Variants in SAMD12 observed in about 807,000 individuals in gnomAD.
SAMD12 encodes the protein sterile alpha motif domain containing 12, also known as sterile alpha motif domain-containing protein 12.
Under a neutral mutation model 15.0 loss-of-function variants are expected in SAMD12, and 9 were observed. The observed-to-expected ratio is 0.60, with a 90% CI of 0.36 to 1.05. The LOEUF is 1.05. Among genes scored for constraint, SAMD12 ranks in the 50% least tolerant of loss-of-function variants. The pLI is 0.01. For missense variants in SAMD12, 230 were observed against 234.2 expected (o/e 0.98, Z 0.12); for synonymous variants, 86 against 90.1 (o/e 0.96, Z 0.25).
At chr8:118,177,702 G>A in the SAMD12 span, among the ~76,000 whole-genome samples, 1 of 151,832 alleles carries the variant, frequency 6.6e-6, no homozygotes, top group African/African-American at 2.4e-5. Context: ...CAGCCTGGCT[G>A]ACAGAGTGAG....
chr8:118,536,309 C>G (rs910440135), intron 2 of SAMD12, among the ~76,000 whole-genome samples: 1 of 152,084 alleles, frequency 6.6e-6, no homozygotes, highest in Admixed American at 6.5e-5. Context: ...GCCTTTCTCC[C>G]TACCTGTAGA....
At chr8:118,470,437 G>A (rs1045230214) in intron 2 of SAMD12, among the ~76,000 whole-genome samples, 2 of 152,130 alleles carry the variant, frequency 1.3e-5, no homozygotes, top group African/African-American at 4.8e-5. Flanking sequence ...TTTTATAGTG[G>A]AAAGAGCAGA....
intron 4 of SAMD12, among the ~76,000 whole-genome samples, chr8:118,214,981 T>G (rs1228912203): frequency 6.6e-6 from 1 of 152,234 alleles, no homozygotes; most frequent in Admixed American, 6.5e-5. Flanking sequence ...ACTGCAGTTG[T>G]TACACGTTAG....
At chr8:118,252,823 T>C (rs1257513374) in intron 4 of SAMD12, among the ~76,000 whole-genome samples, 1 of 152,116 alleles carries the variant, frequency 6.6e-6, no homozygotes, top group African/African-American at 2.4e-5. Flanking sequence ...AGAGCTGAAA[T>C]CTAAGTCAAC....
At chr8:118,477,981 T>C (rs1824008851) in intron 2 of SAMD12, among the ~76,000 whole-genome samples, 1 of 134,016 alleles carries the variant, frequency 7.5e-6, no homozygotes, top group Non-Finnish European at 1.5e-5. Context: ...CCCACTGCAC[T>C]CCAGCCTGGG....
chr8:118,227,731 C>T (rs1256630231), intron 4 of SAMD12, among the ~76,000 whole-genome samples: 1 of 152,164 alleles, frequency 6.6e-6, no homozygotes, highest in Non-Finnish European at 1.5e-5. Context: ...CTATCTTCCC[C>T]ATTCCCCAAA....
intron 4 of SAMD12, among the ~76,000 whole-genome samples, chr8:118,294,343 G>A (rs1167421008): frequency 6.6e-6 from 1 of 152,156 alleles, no homozygotes; most frequent in East Asian, 1.9e-4. Flanking sequence ...ACTGGCATGG[G>A]TTTAAAAAAC....
At chr8:118,317,035 A>G (rs1815953827) in intron 4 of SAMD12, among the ~76,000 whole-genome samples, 1 of 152,122 alleles carries the variant, frequency 6.6e-6, no homozygotes, top group Non-Finnish European at 1.5e-5. Context: ...TGATGTTCTT[A>G]TAAGAAGAGG....
chr8:118,502,764 G>T (rs1423060428), intron 2 of SAMD12, among the ~76,000 whole-genome samples: 1 of 152,192 alleles, frequency 6.6e-6, no homozygotes, highest in Admixed American at 6.5e-5. Flanking sequence ...TTGCAGCACT[G>T]AATTATGGCC....
intron 2 of SAMD12, among the ~76,000 whole-genome samples, chr8:118,513,955 A>G (rs1825156436): frequency 6.6e-6 from 1 of 152,238 alleles, no homozygotes; most frequent in African/African-American, 2.4e-5. Context: ...TCAGGTCAAA[A>G]GTTTCTAGAA....
intron 3 of SAMD12, among the ~76,000 whole-genome samples, chr8:118,436,387 T>C (rs558492759): frequency 1.3e-5 from 2 of 152,202 alleles, no homozygotes; most frequent in Non-Finnish European, 2.9e-5. Context: ...TGTCAAAGGT[T>C]GGTGTAGAGG....
chr8:118,441,483 C>T (rs1822762305), intron 2 of SAMD12, among the ~76,000 whole-genome samples: 1 of 151,592 alleles, frequency 6.6e-6, no homozygotes, highest in Admixed American at 6.6e-5. Flanking sequence ...TATTTCCAGT[C>T]ATATGAGTCC....
At chr8:118,440,657 A>AAAACACACAC (rs1427448676) in intron 2 of SAMD12, among the ~76,000 whole-genome samples, 1 of 142,130 alleles carries the variant, frequency 7.0e-6, no homozygotes, top group African/African-American at 2.7e-5. Flanking sequence ...TTATGAGGAA[A>AAAACACACAC]ACACACACAC....
chr8:118,433,137 C>T (rs1822464533), intron 3 of SAMD12, among the ~76,000 whole-genome samples: 1 of 152,128 alleles, frequency 6.6e-6, no homozygotes, highest in African/African-American at 2.4e-5. Flanking sequence ...TGGCCTCTCT[C>T]CTGTCCTCCA....
At chr8:118,604,692 C>T (rs867754959) in intron 1 of SAMD12, among the ~76,000 whole-genome samples, 3 of 152,056 alleles carry the variant, frequency 2.0e-5, no homozygotes, top group Admixed American at 1.3e-4. Context: ...GAGGCTGAGG[C>T]GGGCGGATGA....
Position 118,325,002 on chromosome 8 carries a change from C to T in SAMD12, c.433+54558G>A, listed in dbSNP as rs139969236. On this transcript the variant is annotated intron_variant, in intron 4 of 4. Coordinates refer to the SAMD12 transcript ENST00000409003. The stretch of plus-strand genomic sequence containing the variant: ...CTCACAACTGGTCATAGGGATTTGC[C>T]TCTTGTTGCAAAGGAAGAGCAAACA... Among the ~76,000 whole-genome samples, 424 of 152,286 alleles carry T rather than the reference C, an allele frequency of 2.8e-3. 1 individual carries two copies. The highest frequency in any genetic ancestry group is 6.8e-3 in the Middle Eastern group (2 of 294).
intron 3 of SAMD12, among the ~76,000 whole-genome samples, 178 bp downstream of exon 3, chr8:118,439,654 T>C (rs991760639): frequency 6.6e-6 from 1 of 152,134 alleles, no homozygotes; most frequent in Non-Finnish European, 1.5e-5. Context: ...ATAATAACCA[T>C]GTATGTTTGT....
At chr8:118,437,656 A>G (rs976486236) in intron 3 of SAMD12, among the ~76,000 whole-genome samples, 1 of 152,156 alleles carries the variant, frequency 6.6e-6, no homozygotes, top group Non-Finnish European at 1.5e-5. Flanking sequence ...GATCCCAAGA[A>G]AGTAGTGATT....
the SAMD12 span, among the ~76,000 whole-genome samples, chr8:118,134,985 A>G: frequency 1.3e-5 from 2 of 152,184 alleles, no homozygotes. Context: ...AGGGTCTGTG[A>G]GTGTGCATTG....
Sources: allele counts gnomAD v4.1 joint callset (sites outside exome capture counted in the v4.1 genomes callset), GRCh38; gene constraint gnomAD v4.1.1; transcripts MANE v1.5; gene names NCBI Gene and HGNC (gene_info 2026-07-23, HGNC 2026-07-21).